The following DGKQ variants were observed in gnomAD, a reference collection of about 807,000 sequenced individuals.
DGKQ encodes the protein diacylglycerol kinase theta, also known as DAG kinase theta.
In DGKQ, 97 loss-of-function variants were observed where a neutral mutation model predicts 104.2. That is an observed-to-expected ratio of 0.93 (90% CI 0.79 to 1.10). The LOEUF (loss-of-function observed/expected upper bound fraction) is 1.10. DGKQ is among the 50% of genes least tolerant of loss of function. DGKQ has a pLI of 0.00. For synonymous variants in DGKQ, 736 were observed against 595.2 expected (o/e 1.24, Z -3.44); for missense variants, 1,465 against 1,352.1 (o/e 1.08, Z -1.31).
chr4:961,955 A>G (rs779207015), intron 19 of DGKQ, 27 bp downstream of exon 19: 2 of 1,611,708 alleles, frequency 1.2e-6, no homozygotes, highest in Non-Finnish European at 1.7e-6. Flanking sequence ...TGCCGTTGAC[A>G]GGTGGTAGCC....
intron 2 of DGKQ, among the ~76,000 whole-genome samples, chr4:970,606 T>TA (rs1472194228): frequency 1.3e-5 from 2 of 152,180 alleles, no homozygotes; most frequent in Non-Finnish European, 2.9e-5. Context: ...TCAGCTCCCC[T>TA]AAGTGTGTGA....
At chr4:963,003 C>T in intron 16 of DGKQ, 83 bp from the exon 17 acceptor site, 1 of 1,526,138 alleles carries the variant, frequency 6.6e-7, no homozygotes, top group Non-Finnish European at 8.8e-7. Context: ...AGTGCCCGTC[C>T]TGGCCGTGTG....
In DGKQ at chr4:960,326, C is replaced by T; in HGVS notation, c.*294G>A. ...CCACCCCTGAGGAGAGGACCAGGCC[C>T]CCACAGGGCAGAGGGCTCACCATCC... On this transcript the variant is annotated 3_prime_UTR_variant, in exon 23 of 23. Transcript: ENST00000273814. 2.1e-6 allele frequency: 1 copy of T among 483,594 alleles called. No homozygotes were observed. The highest frequency in any genetic ancestry group is 3.8e-6 in the Non-Finnish European group (1 of 265,298). The allele number at this position is 483,594 out of a possible 1,614,324, so 30.0% of individuals were successfully genotyped here. A position where few individuals can be genotyped will look rare whatever the true frequency, so the allele number is the denominator to read the frequency against.
intron 2 of DGKQ, among the ~76,000 whole-genome samples, chr4:970,377 G>A (rs1712834660): frequency 6.6e-6 from 1 of 152,212 alleles, no homozygotes; most frequent in Non-Finnish European, 1.5e-5. Flanking sequence ...TGTCCCTGCT[G>A]TCACCACTGT....
chr4:962,377 G>C lies in DGKQ; in HGVS notation c.2214+58C>G. On this transcript the variant is annotated intron_variant, in intron 18 of 22. Coordinates refer to ENST00000273814, the MANE Select transcript of DGKQ (RefSeq NM_001347.4). ...GGGAAGAGGACGCCCGTTGTGACGC[G>C]TGTAGCGGGGTCATATGCAGGAGCC... The C allele has an allele frequency of 2.0e-6, 3 of 1,475,390 alleles. No homozygotes were observed. In the Middle Eastern group the frequency reaches 6.8e-4, roughly 334 times the overall value. The allele number at this position is 1,475,390 out of a possible 1,614,324, so 91.4% of individuals were successfully genotyped here.
Position 968,911 on chromosome 4 carries a change from C to A in DGKQ, c.352-1G>T. 6.3e-7 allele frequency: 1 copy of A among 1,582,484 alleles called. No homozygotes were observed. The highest frequency in any genetic ancestry group is 8.6e-7 in the Non-Finnish European group (1 of 1,160,778). On this transcript the variant is annotated splice_acceptor_variant, in intron 2 of 22. Coordinates refer to ENST00000273814, the MANE Select transcript of DGKQ (RefSeq NM_001347.4). LOFTEE classifies it high-confidence loss of function. ...GGCCGAAGCAGTGGGCTACAGGAAC[C>A]TGGTGGGGCAGCCTCACCTCAGCAC... is the stretch of plus-strand genomic sequence containing the variant.
Position 967,205 on chromosome 4 carries a change from C to G in DGKQ, c.1144G>C (p.Ala382Pro). The G allele has an allele frequency of 6.3e-6, 10 of 1,589,458 alleles. No homozygotes were observed. Among genetic ancestry groups the G allele is most frequent in the Non-Finnish European group, 6.8e-6 (8 of 1,169,022 alleles). The change falls in exon 9 of 23, where the codon GCC (alanine) becomes CCC (proline). Residue 382 changes from alanine to proline, a missense_variant. By Grantham distance (27) the Ala-to-Pro change is conservative (BLOSUM62 -1). Transcript: ENST00000273814. ...CGGATGACCCAGGCCTCTGGCGTGG[C>G]CTCGCCGGACCCGGGGCTTCTGCCC... ...EEGRSPGSGE[A>P]TPEAWVIRAL...
chr4:965,049 G>A (rs1331854657), intron 15 of DGKQ, 127 bp downstream of exon 15: 2 of 703,702 alleles, frequency 2.8e-6, no homozygotes, highest in African/African-American at 1.8e-5. Flanking sequence ...AGCCCCCAGT[G>A]AATTCAAGGA....
chr4:967,471 G>A (rs1577482629), intron 8 of DGKQ, 78 bp downstream of exon 8: 2 of 1,500,624 alleles, frequency 1.3e-6, no homozygotes, highest in African/African-American at 1.4e-5. Flanking sequence ...CAGGTTGGGG[G>A]AGCCAGGTCA....
chr4:967,068 G>A lies in DGKQ; in HGVS notation c.1221-14C>T, dbSNP rs756709422. ...GCCACGCCCACCCTGTGGGGACACA[G>A]TCTGAGCTGGAGCTCCCCCCACCCC... On this transcript the variant is annotated splice_polypyrimidine_tract_variant and intron_variant, in intron 9 of 22. Coordinates refer to ENST00000273814, the MANE Select transcript of DGKQ (RefSeq NM_001347.4). 1 of 1,547,806 alleles carries A rather than the reference G, an allele frequency of 6.5e-7. No individual in the cohort carries two copies. Among genetic ancestry groups the A allele is most frequent in the South Asian group, 1.2e-5 (1 of 83,196 alleles).
At position 966,446 on chromosome 4, in the gene DGKQ, C is replaced by A; in HGVS notation, c.1428+20G>T. On this transcript the variant is annotated intron_variant, in intron 12 of 22. Coordinates refer to ENST00000273814, the MANE Select transcript of DGKQ (RefSeq NM_001347.4). The stretch of plus-strand genomic sequence containing the variant: ...TGAGGGCTGCTGGTTCCCTGGGGGC[C>A]GGCGTCCACACCCACTCACCTGCCG... 1 of 1,610,484 alleles carries A rather than the reference C, an allele frequency of 6.2e-7. No homozygotes were observed. Among genetic ancestry groups the A allele is most frequent in the South Asian group, 1.1e-5 (1 of 90,900 alleles).
At chr4:967,495 C>T (rs984254777) in intron 8 of DGKQ, 54 bp downstream of exon 8, 9 of 1,566,218 alleles carry the variant, frequency 5.7e-6, no homozygotes, top group African/African-American at 5.4e-5. Context: ...GCGCCAGGTG[C>T]GGGGACATGC....
intron 11 of DGKQ, 31 bp from the exon 12 acceptor site, chr4:966,558 C>T: frequency 6.2e-7 from 1 of 1,601,650 alleles, no homozygotes; most frequent in Non-Finnish European, 8.5e-7. Flanking sequence ...GCCGTCAGCA[C>T]CCGGCTCCTC....
At chr4:973,180 C>T (rs1713073420) in intron 1 of DGKQ, 32 bp downstream of exon 1, 4 of 1,509,780 alleles carry the variant, frequency 2.6e-6, no homozygotes, top group Admixed American at 4.2e-5. Flanking sequence ...GGCAGGGCTG[C>T]AGCCGGGTAG....
rs369042636 is a variant in DGKQ, at chr4:973,190, G to A, written c.271+22C>T. ...GCAGAGGCAGGGCTGCAGCCGGGTA[G>A]GCATCGGGCCCGGGCGCTCACCGTC... On this transcript the variant is annotated intron_variant, in intron 1 of 22. Transcript: ENST00000273814. The A allele has an allele frequency of 3.1e-5, 48 of 1,529,360 alleles. 1 individual carries two copies. In the African/African-American group the frequency reaches 6.6e-4, roughly 21 times the overall value. 94.7% of individuals were successfully genotyped at this position (1,529,360 alleles called of 1,614,324 possible).
Position 961,035 on chromosome 4 carries a change from C to T in DGKQ, c.2727+14G>A. The T allele has an allele frequency of 1.2e-6, 2 of 1,611,834 alleles. No individual in the cohort carries two copies. The highest frequency in any genetic ancestry group is 1.7e-6 in the Non-Finnish European group (2 of 1,179,492). ...GGCCCACCTCCCCTGGCTCTCCAGC[C>T]TCACCCCACATACCTTAGGGCCAGC... On this transcript the variant is annotated intron_variant, in intron 22 of 22. Coordinates refer to ENST00000273814, the MANE Select transcript of DGKQ (RefSeq NM_001347.4).
Position 963,121 on chromosome 4 carries a change from G to A in DGKQ, c.1886+18C>T, listed in dbSNP as rs1017802256. 8.2e-6 allele frequency: 13 copies of A among 1,584,804 alleles called. No individual in the cohort carries two copies. The highest frequency in any genetic ancestry group is 6.7e-5 in the African/African-American group (5 of 74,178). ...CGCCCCTGCTGCTGCCCTGGACCAGGGGTCCTGCTGGACTCACCCGGGAAG... is the reference window on the plus strand; with the variant it reads ...CGCCCCTGCTGCTGCCCTGGACCAGAGGTCCTGCTGGACTCACCCGGGAAG... On this transcript the variant is annotated intron_variant, in intron 16 of 22. Coordinates refer to ENST00000273814, the MANE Select transcript of DGKQ (RefSeq NM_001347.4).
Position 971,153 on chromosome 4 carries a change from A to G in DGKQ, c.272-81T>C, listed in dbSNP as rs1712900632. On this transcript the variant is annotated intron_variant, in intron 1 of 22. Coordinates refer to ENST00000273814, the MANE Select transcript of DGKQ (RefSeq NM_001347.4). This position sits in a 1 kb window ranked among gnomAD's most constrained non-coding sequence, Gnocchi z 4.0. ...CCCAGGAAGTTAGAGGCCCCAGGGC[A>G]ATGACTGCCATACCCACCATGCTGC... is the stretch of plus-strand genomic sequence containing the variant. The G allele has an allele frequency of 5.9e-6, 6 of 1,024,664 alleles. No individual in the cohort carries two copies. Among genetic ancestry groups the G allele is most frequent in the Non-Finnish European group, 8.9e-6 (6 of 676,468 alleles). 63.5% of individuals were successfully genotyped at this position (1,024,664 alleles called of 1,614,324 possible). A position where few individuals can be genotyped will look rare whatever the true frequency, so the allele number is the denominator to read the frequency against.
At chr4:962,224 G>A (rs1351121721) in intron 18 of DGKQ, 142 bp from the exon 19 acceptor site, 10 of 869,948 alleles carry the variant, frequency 1.1e-5, no homozygotes, top group Admixed American at 7.1e-5. Context: ...GGCAGCATGG[G>A]CAGGTCCTGG....
Sources: allele counts gnomAD v4.1 joint callset (sites outside exome capture counted in the v4.1 genomes callset), GRCh38; gene constraint gnomAD v4.1.1; non-coding constraint Gnocchi (gnomAD v3.1); transcripts MANE v1.5; gene names NCBI Gene and HGNC (gene_info 2026-07-23, HGNC 2026-07-21).